The following PBRM1 variants were observed in gnomAD, a reference collection of about 807,000 sequenced individuals.
PBRM1 encodes protein polybromo-1.
Under a neutral mutation model 194.5 loss-of-function variants are expected in PBRM1, and 27 were observed. The observed-to-expected ratio is 0.14, with a 90% CI of 0.10 to 0.19. The LOEUF is 0.19. Ranked by LOEUF, PBRM1 falls within the 10% of genes least tolerant of loss-of-function variation. The pLI is 1.00. For missense variants in PBRM1, 1,466 were observed against 2,077.2 expected (o/e 0.71, Z 5.72); for synonymous variants, 655 against 693.2 (o/e 0.94, Z 0.87).
chr3:52,571,795 G>A (rs76974457), intron 22 of PBRM1, among the ~76,000 whole-genome samples: 10,323 of 147,084 alleles, frequency 0.07, 883 homozygotes, highest in African/African-American at 0.2. Flanking sequence ...GGCTGAGCAG[G>A]GAGGATGCTT....
intron 7 of PBRM1, among the ~76,000 whole-genome samples, chr3:52,647,497 T>G (rs1393365709): frequency 8.3e-6 from 1 of 121,058 alleles, no homozygotes; most frequent in Non-Finnish European, 1.7e-5. Context: ...TATGTAGTAT[T>G]TATATGTCCA....
intron 26 of PBRM1, among the ~76,000 whole-genome samples, chr3:52,555,532 A>G (rs150689170): frequency 0.023 from 3,464 of 152,324 alleles, 52 homozygotes; most frequent in Non-Finnish European, 0.034. Context: ...AAAATGTGAT[A>G]AAGATAAAAC....
intron 17 of PBRM1, among the ~76,000 whole-genome samples, chr3:52,600,845 G>C (rs2093940667): frequency 6.6e-6 from 1 of 152,098 alleles, no homozygotes; most frequent in Non-Finnish European, 1.5e-5. Flanking sequence ...CACCATGTTG[G>C]CCAGGCTGGT....
chr3:52,593,109 T>G (rs372635746), intron 17 of PBRM1, among the ~76,000 whole-genome samples: 1 of 152,304 alleles, frequency 6.6e-6, no homozygotes, highest in South Asian at 2.1e-4. Flanking sequence ...ACTCCTAGAT[T>G]TGTTAATCTT....
intron 13 of PBRM1, among the ~76,000 whole-genome samples, chr3:52,620,817 G>T (rs2095244754): frequency 6.6e-6 from 1 of 152,150 alleles, no homozygotes; most frequent in African/African-American, 2.4e-5. Flanking sequence ...TAAAGGATGT[G>T]TAATTGATTT....
intron 15 of PBRM1, among the ~76,000 whole-genome samples, chr3:52,614,450 A>G (rs934344771): frequency 6.6e-6 from 1 of 150,910 alleles, no homozygotes; most frequent in Non-Finnish European, 1.5e-5. Flanking sequence ...CATGGCTCCA[A>G]TGAGTATCAT....
chr3:52,598,105 A>G (rs1249125770), intron 17 of PBRM1, among the ~76,000 whole-genome samples: 2 of 152,232 alleles, frequency 1.3e-5, no homozygotes, highest in Non-Finnish European at 2.9e-5. Context: ...AACTTCATAT[A>G]TGATTCACAC....
intron 17 of PBRM1, among the ~76,000 whole-genome samples, chr3:52,591,511 GTTTT>G (rs57736913): frequency 2.9e-4 from 21 of 71,850 alleles, no homozygotes; most frequent in South Asian, 1.1e-3. Context: ...TTTTGTCTTT[GTTTT>G]TTTTTTTTTT....
chr3:52,604,453 T>C (rs7645785), intron 16 of PBRM1, among the ~76,000 whole-genome samples: 17,266 of 152,188 alleles, frequency 0.11, 2,596 homozygotes, highest in African/African-American at 0.35. Context: ...ATAATCCCAA[T>C]GCTTTGGGAG....
chr3:52,617,115 T>C (rs2095002363), intron 14 of PBRM1, 147 bp downstream of exon 16: 3 of 619,140 alleles, frequency 4.8e-6, no homozygotes, highest in East Asian at 5.7e-5. Flanking sequence ...CCTCTGATTG[T>C]AAACAATGAA....
intron 13 of PBRM1, among the ~76,000 whole-genome samples, chr3:52,622,149 G>C (rs548119961): frequency 6.6e-6 from 1 of 152,244 alleles, no homozygotes; most frequent in Non-Finnish European, 1.5e-5. Context: ...AGACCAGCCT[G>C]GCCAACATGG....
intron 13 of PBRM1, 24 bp from the exon 15 acceptor site, chr3:52,624,965 A>G (rs2095400186): frequency 6.6e-6 from 10 of 1,523,580 alleles, no homozygotes; most frequent in Middle Eastern, 1.7e-4. Context: ...AACAAACATT[A>G]CATGTAAAGA....
chr3:52,659,500 C>T (rs2096674194), intron 4 of PBRM1, among the ~76,000 whole-genome samples: 1 of 152,112 alleles, frequency 6.6e-6, no homozygotes, highest in Non-Finnish European at 1.5e-5. Context: ...TGGCTCACTG[C>T]AGCCTCTAAC....
At chr3:52,645,449 C>T (rs1051351764) in intron 7 of PBRM1, among the ~76,000 whole-genome samples, 9 of 151,840 alleles carry the variant, frequency 5.9e-5, no homozygotes, top group African/African-American at 1.9e-4. Flanking sequence ...AGGCCTAAAC[C>T]AGAGTGCCCA....
intron 11 of PBRM1, among the ~76,000 whole-genome samples, chr3:52,634,176 C>T (rs546170687): frequency 5.9e-5 from 9 of 152,218 alleles, no homozygotes; most frequent in Non-Finnish European, 8.8e-5. Context: ...CAGAGGCTCA[C>T]ACCTGTAATC....
At chr3:52,575,227 CA>C (rs1419614005) in intron 22 of PBRM1, among the ~76,000 whole-genome samples, 5 of 52,962 alleles carry the variant, frequency 9.4e-5, no homozygotes, top group African/African-American at 2.4e-4. Flanking sequence ...TAAAACAAAC[CA>C]AACAAACAAA....
intron 4 of PBRM1, among the ~76,000 whole-genome samples, chr3:52,659,800 G>C (rs904100733): frequency 6.6e-6 from 1 of 152,086 alleles, no homozygotes; most frequent in South Asian, 2.1e-4. Flanking sequence ...GAGTTATAAA[G>C]AGTCTTGGGG....
chr3:52,632,062 T>G (rs1406306679), intron 11 of PBRM1, among the ~76,000 whole-genome samples: 1 of 152,248 alleles, frequency 6.6e-6, no homozygotes, highest in Non-Finnish European at 1.5e-5. Flanking sequence ...AACAGAAATT[T>G]TAGCTATTGT....
At chr3:52,640,523 G>A (rs1227518517) in intron 10 of PBRM1, among the ~76,000 whole-genome samples, 1 of 151,672 alleles carries the variant, frequency 6.6e-6, no homozygotes, top group Non-Finnish European at 1.5e-5. Context: ...CTCCCACCTA[G>A]GCCTCCCAAA....
Sources: allele counts gnomAD v4.1 joint callset (sites outside exome capture counted in the v4.1 genomes callset), GRCh38; gene constraint gnomAD v4.1.1; transcripts MANE v1.5; gene names NCBI Gene and HGNC (gene_info 2026-07-23, HGNC 2026-07-21).